Variants in IMMP2L observed in about 807,000 individuals in gnomAD.
IMMP2L encodes the protein mitochondrial inner membrane protease subunit 2.
A neutral mutation model predicts 19.3 loss-of-function variants in IMMP2L; 18 were observed. The observed-to-expected ratio is 0.93, with a 90% CI of 0.64 to 1.38. The LOEUF (loss-of-function observed/expected upper bound fraction) is 1.38. Among genes scored for constraint, IMMP2L ranks in the 40% most tolerant of loss-of-function variants. The pLI, the probability that IMMP2L is intolerant of heterozygous loss-of-function variation, is 0.00. For synonymous variants in IMMP2L, 76 were observed against 73.0 expected, an observed-to-expected ratio of 1.04 and a Z score of -0.21; for missense variants, 233 against 218.2, an observed-to-expected ratio of 1.07 and a Z score of -0.43.
chr7:111,015,825 C>T (rs1424708020), intron 3 of IMMP2L, among the ~76,000 whole-genome samples: 1 of 152,028 alleles, frequency 6.6e-6, no homozygotes. Context: ...AAAAACTTTT[C>T]GATGCTAGTG....
intron 3 of IMMP2L, among the ~76,000 whole-genome samples, chr7:111,306,870 T>C (rs892869953): frequency 1.3e-5 from 2 of 151,870 alleles, no homozygotes; most frequent in East Asian, 1.9e-4. Flanking sequence ...GAAGACTATA[T>C]TGATTGTCAA....
intron 3 of IMMP2L, among the ~76,000 whole-genome samples, chr7:111,080,509 A>AAT (rs10657513): frequency 0.83 from 126,007 of 150,992 alleles, 52,949 homozygotes; most frequent in Non-Finnish European, 0.89. Flanking sequence ...TATAATATAT[A>AAT]ATGTGTGTAT....
chr7:111,320,614 C>G (rs1306508877), intron 3 of IMMP2L, among the ~76,000 whole-genome samples: 1 of 152,034 alleles, frequency 6.6e-6, no homozygotes, highest in Non-Finnish European at 1.5e-5. Flanking sequence ...TGAACTCTTA[C>G]CACTCCCACT....
At chr7:110,904,071 T>C (rs1029156511) in intron 4 of IMMP2L, among the ~76,000 whole-genome samples, 3 of 152,142 alleles carry the variant, frequency 2.0e-5, no homozygotes, top group Non-Finnish European at 4.4e-5. Context: ...CTGATCAAAT[T>C]TTTTGGTTTG....
rs147571783 is a variant in IMMP2L at position 111,031,407 on chromosome 7, T to TGTAA, written c.240-67843_240-67842insTTAC. 9.0e-4 allele frequency among the ~76,000 whole-genome samples: 132 copies of TGTAA among 147,212 alleles called. 1 individual carries two copies. Among genetic ancestry groups the TGTAA allele is most frequent in the African/African-American group, 2.3e-3 (92 of 39,822 alleles). ...GTGTGTGTGTGTGTGTGTGTGTGTG[T>TGTAA]GAGAGAAAGAGAAATCCTATATTGA... On this transcript the variant is annotated intron_variant, in intron 3 of 5. Transcript: ENST00000405709.
intron 5 of IMMP2L, among the ~76,000 whole-genome samples, chr7:110,761,935 A>G (rs1183070734): frequency 1.3e-5 from 2 of 152,164 alleles, no homozygotes; most frequent in Non-Finnish European, 2.9e-5. Context: ...CACTGCCAGC[A>G]TAGCTCCCTG....
At chr7:110,668,412 T>G (rs1430190791) in intron 5 of IMMP2L, among the ~76,000 whole-genome samples, 2 of 152,188 alleles carry the variant, frequency 1.3e-5, no homozygotes, top group Non-Finnish European at 2.9e-5. Context: ...ACAATAACCC[T>G]TTTTAAAATT....
chr7:110,780,001 A>C (rs1156350885), intron 5 of IMMP2L, among the ~76,000 whole-genome samples: 1 of 151,912 alleles, frequency 6.6e-6, no homozygotes, highest in South Asian at 2.1e-4. Flanking sequence ...TAGCACGGGT[A>C]CTGTCACGAA....
rs60697579 is a variant in IMMP2L, at chr7:111,551,495, GGTGT to G, written c.-3+10352_-3+10355del. 7.6e-3 allele frequency among the ~76,000 whole-genome samples: 1,104 copies of G among 145,006 alleles called. 8 individuals are homozygous for G. The highest frequency in any genetic ancestry group is 0.024 in the Middle Eastern group (7 of 294). ...AGGTATGTTAGGTATGACTGTTAGA[GGTGT>G]GTGTGTGTGTGTGTGTGTGTGTGTG... is the stretch of plus-strand genomic sequence containing the variant. On this transcript the variant is annotated intron_variant, in intron 1 of 5. Coordinates refer to ENST00000405709, the MANE Select transcript of IMMP2L (RefSeq NM_032549.4).
chr7:111,256,345 AT>A (rs1297807717), intron 3 of IMMP2L, among the ~76,000 whole-genome samples: 8 of 152,092 alleles, frequency 5.3e-5, no homozygotes, highest in African/African-American at 1.4e-4. Context: ...AACTATAACA[AT>A]TTTTTATTTG....
intron 3 of IMMP2L, chr7:111,124,806 T>A: frequency 1.2e-6 from 2 of 1,612,686 alleles, no homozygotes; most frequent in Non-Finnish European, 1.7e-6. Context: ...AGCTTTATCC[T>A]CCTCTGATAA....
intron 3 of IMMP2L, among the ~76,000 whole-genome samples, chr7:111,363,737 T>A (rs1316513404): frequency 6.6e-6 from 1 of 151,986 alleles, no homozygotes; most frequent in Non-Finnish European, 1.5e-5. Flanking sequence ...TCAAGGTATC[T>A]CCAAATTAAA....
intron 3 of IMMP2L, among the ~76,000 whole-genome samples, chr7:110,976,560 C>A (rs1307397926): frequency 1.3e-5 from 2 of 152,110 alleles, no homozygotes; most frequent in Admixed American, 6.6e-5. Flanking sequence ...TTTTATAACT[C>A]ATTTCTTTTC....
intron 3 of IMMP2L, among the ~76,000 whole-genome samples, chr7:111,085,222 T>G (rs1796214995): frequency 6.6e-6 from 1 of 152,230 alleles, no homozygotes; most frequent in Admixed American, 6.5e-5. Context: ...GTTCTTCAAA[T>G]GATTCGTATC....
intron 5 of IMMP2L, among the ~76,000 whole-genome samples, chr7:110,784,622 G>A (rs918887107): frequency 2.6e-4 from 39 of 151,968 alleles, no homozygotes; most frequent in African/African-American, 8.9e-4. Flanking sequence ...CTTTAAAGAT[G>A]TATCATGGTT....
intron 3 of IMMP2L, among the ~76,000 whole-genome samples, chr7:111,131,149 A>G (rs1801811405): frequency 6.6e-6 from 1 of 151,274 alleles, no homozygotes; most frequent in Non-Finnish European, 1.5e-5. Context: ...TTAAAAGTAG[A>G]AAAAAAAAGA....
chr7:111,458,785 C>T (rs1342619017), intron 3 of IMMP2L, among the ~76,000 whole-genome samples: 1 of 152,134 alleles, frequency 6.6e-6, no homozygotes, highest in African/African-American at 2.4e-5. Context: ...CCCCAAAGAA[C>T]ATTTTTAGCC....
chr7:111,268,569 C>CTTTTTTTTTTTTTTTTTTTTTTTTT, intron 3 of IMMP2L, among the ~76,000 whole-genome samples: 1 of 44,592 alleles, frequency 2.2e-5, no homozygotes, highest in Non-Finnish European at 3.8e-5. Context: ...TCACATTTCT[C>CTTTTTTTTTTTTTTTTTTTTTTTTT]TTTTTTTTTT....
chr7:110,774,232 G>GT (rs1799230919), intron 5 of IMMP2L, among the ~76,000 whole-genome samples: 1 of 152,020 alleles, frequency 6.6e-6, no homozygotes, highest in African/African-American at 2.4e-5. Context: ...CCTAAAACCT[G>GT]TTTTTCCTGA....
Sources: allele counts gnomAD v4.1 joint callset (sites outside exome capture counted in the v4.1 genomes callset), GRCh38; gene constraint gnomAD v4.1.1; transcripts MANE v1.5; gene names NCBI Gene and HGNC (gene_info 2026-07-23, HGNC 2026-07-21).